SPAG1: variants seen among roughly 807,000 people sequenced by gnomAD.
SPAG1 encodes the protein sperm associated antigen 1, also known as sperm-associated antigen 1.
SPAG1 carries 69 observed loss-of-function variants against 100.5 expected under a neutral mutation model. The ratio of observed to expected loss-of-function variants is 0.69; its 90% CI spans 0.57 to 0.84. The LOEUF (loss-of-function observed/expected upper bound fraction) is 0.84, where lower values mean the gene tolerates loss of function less well. Ranked by LOEUF, SPAG1 falls within the 40% of genes least tolerant of loss-of-function variation. The pLI is 0.00. For missense variants in SPAG1, 955 were observed against 1,133.1 expected (o/e 0.84, Z 2.26); for synonymous variants, 336 against 411.6 (o/e 0.82, Z 2.22).
At chr8:100,214,102 T>C (rs1817865810) in intron 12 of SPAG1, among the ~76,000 whole-genome samples, 184 bp downstream of exon 12, 2 of 152,260 alleles carry the variant, frequency 1.3e-5, no homozygotes, top group South Asian at 2.1e-4. Flanking sequence ...TATAGAAGAT[T>C]GTGCAAACTT....
At chr8:100,183,225 A>G in intron 4 of SPAG1, 150 bp from the exon 5 acceptor site, 3 of 435,564 alleles carry the variant, frequency 6.9e-6, no homozygotes, top group Non-Finnish European at 1.3e-5. Flanking sequence ...TGTCCACCTC[A>G]GCCTCCCAAA....
chr8:100,219,226 C>T (rs761281446), intron 12 of SPAG1, among the ~76,000 whole-genome samples: 2 of 152,104 alleles, frequency 1.3e-5, no homozygotes, highest in Non-Finnish European at 2.9e-5. Context: ...CTAAGAGTAT[C>T]GGAAAAACAG....
intron 16 of SPAG1, 102 bp downstream of exon 16, chr8:100,233,639 T>C (rs1292083595): frequency 8.2e-7 from 1 of 1,223,312 alleles, no homozygotes; most frequent in Admixed American, 2.5e-5. Flanking sequence ...TTGAGGTTAT[T>C]CTTGGATTTA....
At chr8:100,211,287 T>G (rs993046860) in intron 10 of SPAG1, among the ~76,000 whole-genome samples, 1 of 152,174 alleles carries the variant, frequency 6.6e-6, no homozygotes, top group African/African-American at 2.4e-5. Flanking sequence ...GGGCCTCTGT[T>G]TACCTGTCCA....
intron 12 of SPAG1, among the ~76,000 whole-genome samples, chr8:100,217,061 C>G (rs576652581): frequency 5.6e-4 from 85 of 151,038 alleles, no homozygotes; most frequent in African/African-American, 2.0e-3. Context: ...CTCAGCCTCC[C>G]GAGTTGCTGG....
intron 14 of SPAG1, among the ~76,000 whole-genome samples, chr8:100,229,448 A>C (rs990406611): frequency 1.3e-5 from 2 of 152,086 alleles, no homozygotes; most frequent in African/African-American, 4.8e-5. Flanking sequence ...AACAAAACAA[A>C]AAAAAACAAA....
chr8:100,190,262 G>A (rs78982074), intron 8 of SPAG1, among the ~76,000 whole-genome samples: 10 of 149,686 alleles, frequency 6.7e-5, no homozygotes, highest in Admixed American at 2.0e-4. Context: ...GCAGTGAGCC[G>A]AGATTGTGCC....
At chr8:100,207,217 C>T (rs560382529) in intron 10 of SPAG1, among the ~76,000 whole-genome samples, 47 of 152,306 alleles carry the variant, frequency 3.1e-4, no homozygotes, top group African/African-American at 1.1e-3. Context: ...GCACAGCAGC[C>T]TTCCATCATC....
chr8:100,187,228 G>A lies in SPAG1; in HGVS notation c.810G>A (p.Glu270=). 1 of 1,610,024 alleles carries A rather than the reference G, an allele frequency of 6.2e-7. No homozygotes were observed. Among genetic ancestry groups the A allele is most frequent in the African/African-American group, 1.3e-5 (1 of 74,856 alleles). ...SAFQDCEKVL[E]LEPGNVKALL... ...TTCAGGATTGTGAAAAGGTCTTGGA[G>A]TTAGAACCTGGAAACGTAAAGGGTA... The change falls in exon 8 of 19, where the codon GAG becomes GAA. Residue 270 remains glutamate (E), a synonymous_variant. Transcript: ENST00000388798.
At chr8:100,184,823 T>C (rs1816519480) in intron 7 of SPAG1, 90 bp downstream of exon 7, 1 of 713,080 alleles carries the variant, frequency 1.4e-6, no homozygotes, top group South Asian at 1.8e-5. Flanking sequence ...CGAAAGTCTA[T>C]GTCAGAATCT....
chr8:100,223,374 G>A (rs577177151), intron 13 of SPAG1, among the ~76,000 whole-genome samples: 79 of 152,212 alleles, frequency 5.2e-4, no homozygotes, highest in Admixed American at 2.7e-3. Flanking sequence ...TTCATTTAAA[G>A]TAATTGACTT....
chr8:100,231,977 T>TA (rs11412531), intron 15 of SPAG1, among the ~76,000 whole-genome samples: 11,901 of 143,398 alleles, frequency 0.083, 1,414 homozygotes, highest in African/African-American at 0.27. Flanking sequence ...AAAAAAAAAA[T>TA]ACTGTCTTAG....
intron 13 of SPAG1, among the ~76,000 whole-genome samples, chr8:100,222,902 T>TA (rs1818345569): frequency 1.3e-5 from 2 of 152,202 alleles, no homozygotes; most frequent in Non-Finnish European, 2.9e-5. Flanking sequence ...GGAAGCCCTG[T>TA]ACCCAGTAAG....
In SPAG1 at chr8:100,213,306, G is replaced by A. The variant is rs1194960636; in HGVS notation, c.1313G>A (p.Gly438Asp). 1.1e-5 allele frequency: 14 copies of A among 1,238,590 alleles called. No homozygotes were observed. Among genetic ancestry groups the A allele is most frequent in the Non-Finnish European group, 1.4e-5 (14 of 992,638 alleles). 76.7% of individuals were successfully genotyped at this position (1,238,590 alleles called of 1,614,324 possible). ...GGCGGCGCCACCGGGCATCCGGGCG[G>A]CGGGCAGGGCGCGGAGAACCCTGCC... ...AGGGATGHPGGGQGAENPAGL... is the reference protein window; with the variant it reads ...AGGGATGHPGDGQGAENPAGL... The change falls in exon 11 of 19, where the codon GGC becomes GAC. Residue 438 changes from glycine to aspartate, a missense_variant. Gly to Asp is a moderately conservative substitution (Grantham distance 94, BLOSUM62 -1). Transcript: ENST00000388798.
chr8:100,164,567 G>T (rs993675717), intron 2 of SPAG1, among the ~76,000 whole-genome samples: 2 of 152,124 alleles, frequency 1.3e-5, no homozygotes, highest in Non-Finnish European at 2.9e-5. Context: ...TGGGATTACA[G>T]GTGCCTGCCA....
chr8:100,232,803 T>C (rs748096589), intron 15 of SPAG1, among the ~76,000 whole-genome samples: 2 of 152,198 alleles, frequency 1.3e-5, no homozygotes, highest in African/African-American at 2.4e-5. Context: ...AAGCTCAACT[T>C]CCTTCCATGA....
At position 100,233,437 on chromosome 8, in the gene SPAG1, A is replaced by G. The variant is rs1418282103; in HGVS notation, c.2015A>G (p.Gln672Arg). The G allele has an allele frequency of 1.9e-6, 3 of 1,614,014 alleles. No homozygotes were observed. The African/African-American group carries it at 4.0e-5, about 22-fold the overall frequency. ...NRALCYLKLC[Q>R]FEEAKQDCDQ... ...GCTCTCTGTTACTTGAAGCTGTGCCAGTTTGAAGAAGCAAAGCAGGACTGT... is the reference window on the plus strand; with the variant it reads ...GCTCTCTGTTACTTGAAGCTGTGCCGGTTTGAAGAAGCAAAGCAGGACTGT... Residue 672 changes from glutamine to arginine, a missense_variant, in exon 16 of 19, where the codon CAG becomes CGG. By Grantham distance (43) the Gln-to-Arg change is conservative. Coordinates refer to ENST00000388798, the MANE Select transcript of SPAG1 (RefSeq NM_003114.5).
At chr8:100,175,410 G>A (rs1467805535) in intron 3 of SPAG1, among the ~76,000 whole-genome samples, 7 of 149,856 alleles carry the variant, frequency 4.7e-5, no homozygotes, top group Non-Finnish European at 7.4e-5. Context: ...TCAGCCTCCC[G>A]AGTAGCTGGG....
In SPAG1 at chr8:100,177,939, A is replaced by G. The variant is rs1202293415; in HGVS notation, c.424A>G (p.Lys142Glu). 5.0e-6 allele frequency: 8 copies of G among 1,609,580 alleles called. No homozygotes were observed. In the African/African-American group the frequency reaches 9.4e-5, roughly 19 times the overall value. The change falls in exon 4 of 19, where the codon AAG (lysine) becomes GAG (glutamate). Residue 142 changes from lysine to glutamate, a missense_variant and splice_region_variant. Transcript: ENST00000388798. ...TTCAAACAGCTGTCTTCATGTAGGC[A>G]AGGTAGGCTTCTTTGATATCTTTGT... ...RGSNSCLHVG[K>E]EKYSKRPTKK...
Sources: gnomAD v4.1 joint callset for allele counts (sites outside exome capture counted in the v4.1 genomes callset) on GRCh38, gnomAD v4.1.1 for gene constraint, MANE v1.5 for transcripts, NCBI Gene and HGNC (gene_info 2026-07-23, HGNC 2026-07-21) for gene names.